The following WAPL variants were observed in gnomAD, a reference collection of about 807,000 sequenced individuals.
WAPL encodes the protein wings apart-like protein homolog.
WAPL carries 5 observed loss-of-function variants against 121.0 expected under a neutral mutation model. The ratio of observed to expected loss-of-function variants is 0.04; its 90% CI spans 0.02 to 0.09. WAPL has a LOEUF of 0.09. Among genes scored for constraint, WAPL ranks in the 10% least tolerant of loss-of-function variants. WAPL has a pLI of 1.00. For missense variants in WAPL, 999 were observed against 1,410.8 expected (o/e 0.71, Z 4.68); for synonymous variants, 480 against 481.5 (o/e 1.00, Z 0.04).
At chr10:86,520,916 T>C (rs1189093439) in intron 1 of WAPL, among the ~76,000 whole-genome samples, 1 of 152,032 alleles carries the variant, frequency 6.6e-6, no homozygotes, top group Non-Finnish European at 1.5e-5. Context: ...AATCCTCACC[T>C]GGGGACAGCC....
At chr10:86,496,625 A>C (rs1164459202) in intron 4 of WAPL, among the ~76,000 whole-genome samples, 4 of 152,194 alleles carry the variant, frequency 2.6e-5, no homozygotes, top group Non-Finnish European at 5.9e-5. Flanking sequence ...ACACAATGGA[A>C]TATTCTTTTA....
At chr10:86,444,269 A>G (rs1248302198) in intron 16 of WAPL, among the ~76,000 whole-genome samples, 4 of 152,222 alleles carry the variant, frequency 2.6e-5, no homozygotes, top group Non-Finnish European at 5.9e-5. Flanking sequence ...GTGCAGCCAC[A>G]CTGGAAAACA....
At position 86,497,391 on chromosome 10, in the gene WAPL, T is replaced by C. The variant is rs553498697; in HGVS notation, c.1526-72A>G. ...CCTACCAGACAACCTATCAAGATTA[T>C]ATATACATGAATGAATGAAAATGGG... On this transcript the variant is annotated intron_variant, in intron 3 of 18. Coordinates refer to ENST00000298767, the MANE Select transcript of WAPL (RefSeq NM_015045.5). 2.8e-6 allele frequency: 3 copies of C among 1,087,562 alleles called. No homozygotes were observed. The Admixed American group carries it at 6.5e-5, about 24-fold the overall frequency. The allele number at this position is 1,087,562 out of a possible 1,614,324, so 67.4% of individuals were successfully genotyped here. A position where few individuals can be genotyped will look rare whatever the true frequency, so the allele number is the denominator to read the frequency against.
At chr10:86,460,615 GA>G (rs1273772294) in intron 10 of WAPL, 119 bp from the exon 11 acceptor site, 2 of 699,334 alleles carry the variant, frequency 2.9e-6, no homozygotes, top group Non-Finnish European at 4.6e-6. Flanking sequence ...GAACCTCTCT[GA>G]ACATTTTTTA....
intron 12 of WAPL, among the ~76,000 whole-genome samples, chr10:86,457,962 A>G (rs1841188658): frequency 6.6e-6 from 1 of 152,248 alleles, no homozygotes; most frequent in African/African-American, 2.4e-5. Flanking sequence ...ATGAGGTTAC[A>G]GATGGAAACC....
chr10:86,496,981 G>A lies in WAPL; in HGVS notation c.1644+220C>T, dbSNP rs112438554. On this transcript the variant is annotated intron_variant, in intron 4 of 18. Coordinates refer to ENST00000298767, the MANE Select transcript of WAPL (RefSeq NM_015045.5). ...ATAATTGTGATGGTTACATAACACC[G>A]TGAAAGTAATGCCACTGACTTGTAC... Among the ~76,000 whole-genome samples, 206 of 152,268 alleles carry A rather than the reference G, an allele frequency of 1.4e-3. 1 individual carries two copies. Among genetic ancestry groups the A allele is most frequent in the African/African-American group, 4.4e-3 (181 of 41,542 alleles).
At chr10:86,473,636 A>T (rs1841585326) in intron 5 of WAPL, among the ~76,000 whole-genome samples, 1 of 152,220 alleles carries the variant, frequency 6.6e-6, no homozygotes, top group African/African-American at 2.4e-5. Context: ...GTCATGAGTA[A>T]CAAGAGCCTT....
At chr10:86,503,656 G>A (rs1036662750) in intron 2 of WAPL, among the ~76,000 whole-genome samples, 2 of 151,958 alleles carry the variant, frequency 1.3e-5, no homozygotes, top group Non-Finnish European at 2.9e-5. Context: ...GGGAGGCTGA[G>A]GCAGGAGAAT....
chr10:86,477,854 C>T (rs1408325067), intron 4 of WAPL, among the ~76,000 whole-genome samples: 1 of 151,202 alleles, frequency 6.6e-6, no homozygotes, highest in Non-Finnish European at 1.5e-5. Flanking sequence ...TCAAGGTGGG[C>T]GGATCACTTG....
intron 11 of WAPL, among the ~76,000 whole-genome samples, chr10:86,459,629 C>G (rs923641918): frequency 1.3e-5 from 2 of 152,200 alleles, no homozygotes; most frequent in African/African-American, 2.4e-5. Context: ...AAAATATACT[C>G]GCTGCAGTTC....
chr10:86,455,683 T>TAAAAAAAAAAAAAAAAAA (rs539594893), intron 12 of WAPL, among the ~76,000 whole-genome samples: 5 of 29,078 alleles, frequency 1.7e-4, no homozygotes, highest in African/African-American at 2.7e-4. Flanking sequence ...CAATAAATAC[T>TAAAAAAAAAAAAAAAAAA]AAAAAAAAAA....
At chr10:86,518,453 CT>C (rs367713073) in intron 1 of WAPL, among the ~76,000 whole-genome samples, 23 of 152,192 alleles carry the variant, frequency 1.5e-4, no homozygotes, top group African/African-American at 5.1e-4. Context: ...AAAAAATTAT[CT>C]GTATAGAGGC....
At chr10:86,449,890 T>A (rs556488240) in intron 15 of WAPL, among the ~76,000 whole-genome samples, 16 of 152,176 alleles carry the variant, frequency 1.1e-4, no homozygotes, top group Non-Finnish European at 2.4e-4. Flanking sequence ...AAAAGGGAAT[T>A]CTTTTATGGT....
At chr10:86,465,218 A>T (rs1433104282) in intron 9 of WAPL, among the ~76,000 whole-genome samples, 1 of 152,076 alleles carries the variant, frequency 6.6e-6, no homozygotes, top group African/African-American at 2.4e-5. Flanking sequence ...TTGGAGACGT[A>T]GTCTTGCTCT....
At chr10:86,465,221 C>T (rs1174484472) in intron 9 of WAPL, among the ~76,000 whole-genome samples, 1 of 152,112 alleles carries the variant, frequency 6.6e-6, no homozygotes, top group Non-Finnish European at 1.5e-5. Flanking sequence ...GAGACGTAGT[C>T]TTGCTCTGTT....
chr10:86,476,237 C>G (rs1412776227), intron 4 of WAPL, among the ~76,000 whole-genome samples: 1 of 151,736 alleles, frequency 6.6e-6, no homozygotes, highest in African/African-American at 2.4e-5. Context: ...CGGTGGTGGG[C>G]ACCTGCAGTC....
intron 12 of WAPL, 71 bp downstream of exon 12, chr10:86,458,918 C>A: frequency 7.7e-7 from 1 of 1,299,928 alleles, no homozygotes; most frequent in Non-Finnish European, 1.1e-6. Context: ...AAATTTCTTT[C>A]ATTTATGGTC....
chr10:86,520,248 T>C (rs1434460751), intron 1 of WAPL, among the ~76,000 whole-genome samples: 1 of 152,148 alleles, frequency 6.6e-6, no homozygotes, highest in Admixed American at 6.5e-5. Context: ...TGAGCTGAGA[T>C]CGCGCCACTG....
intron 9 of WAPL, 96 bp downstream of exon 9, chr10:86,467,183 T>C: frequency 9.0e-7 from 1 of 1,115,906 alleles, no homozygotes; most frequent in Non-Finnish European, 1.3e-6. Context: ...AAGGTTAGAA[T>C]TAAAATAATT....
Sources: allele counts gnomAD v4.1 joint callset (sites outside exome capture counted in the v4.1 genomes callset), GRCh38; gene constraint gnomAD v4.1.1; transcripts MANE v1.5; gene names NCBI Gene and HGNC (gene_info 2026-07-23, HGNC 2026-07-21).